The following HPN variants were observed in gnomAD, a reference collection of about 807,000 sequenced individuals.
HPN encodes the protein serine protease hepsin.
HPN carries 13 observed loss-of-function variants against 55.9 expected under a neutral mutation model. That is an observed-to-expected ratio of 0.23 (90% confidence interval 0.15 to 0.37). HPN has a LOEUF of 0.37. Ranked by LOEUF, HPN falls within the 10% of genes least tolerant of loss-of-function variation. The pLI, the probability that HPN is intolerant of heterozygous loss-of-function variation, is 1.00. For synonymous variants in HPN, 225 were observed against 240.3 expected (o/e 0.94, Z 0.59); for missense variants, 451 against 575.8 (o/e 0.78, Z 2.22).
intron 2 of HPN, 51 bp from the exon 3 acceptor site, chr19:35,049,239 G>A (rs2064377468): frequency 2.2e-6 from 3 of 1,374,558 alleles, no homozygotes; most frequent in Non-Finnish European, 2.9e-6. Flanking sequence ...CCCAGACCCT[G>A]CCGCAATGAG....
intron 2 of HPN, among the ~76,000 whole-genome samples, chr19:35,046,954 G>A (rs1431916570): frequency 1.3e-5 from 2 of 151,938 alleles, no homozygotes; most frequent in Non-Finnish European, 2.9e-5. Context: ...TCAGCCTCCC[G>A]AGTAGCTGGG....
At chr19:35,064,243 ACT>A (rs1172838262) in intron 9 of HPN, among the ~76,000 whole-genome samples, 1 of 151,664 alleles carries the variant, frequency 6.6e-6, no homozygotes, top group Non-Finnish European at 1.5e-5. Flanking sequence ...CAGGGTTACC[ACT>A]CTCTCTGTAG....
Position 35,041,848 on chromosome 19 carries a change from C to G in HPN, c.-79C>G, listed in dbSNP as rs921773480. The G allele has an allele frequency of 1.5e-6, 2 of 1,342,896 alleles. No individual in the cohort carries two copies. The highest frequency in any genetic ancestry group is 1.5e-5 in the African/African-American group (1 of 67,262). 83.2% of individuals were successfully genotyped at this position (1,342,896 alleles called of 1,614,324 possible). On this transcript the variant is annotated 5_prime_UTR_variant, in exon 1 of 13. Transcript: ENST00000672452. ...CCGACCCCGGCACTACCTCGAGGCT[C>G]CGCCCCCACCTGCTGGACCCCAGGG...
At chr19:35,050,914 C>CTTTTT (rs5827917) in intron 4 of HPN, among the ~76,000 whole-genome samples, 506 of 90,436 alleles carry the variant, frequency 5.6e-3, no homozygotes, top group African/African-American at 6.8e-3. Flanking sequence ...TTCTTTCTTT[C>CTTTTT]TTTTTTTTTT....
At chr19:35,066,171 G>C (rs2064607022) in intron 12 of HPN, 78 bp from the exon 13 acceptor site, 1 of 1,613,586 alleles carries the variant, frequency 6.2e-7, no homozygotes, top group Non-Finnish European at 8.5e-7. Flanking sequence ...GACTTTGAAG[G>C]GTTCCTGGGG....
At chr19:35,047,579 C>A (rs756873448) in intron 2 of HPN, among the ~76,000 whole-genome samples, 2 of 152,182 alleles carry the variant, frequency 1.3e-5, no homozygotes, top group Non-Finnish European at 1.5e-5. Context: ...AGAACGTGAA[C>A]CCCTGAGAGT....
At chr19:35,065,720 A>T (rs368612247) in intron 11 of HPN, 39 bp downstream of exon 11, 143 of 1,611,554 alleles carry the variant, frequency 8.9e-5, no homozygotes, top group Non-Finnish European at 1.2e-4. Flanking sequence ...GGTCGCTGCC[A>T]CCCCAGGGAT....
At position 35,041,747 on chromosome 19, in the gene HPN, C is replaced by T. The variant is rs1455005900; in HGVS notation, c.-180C>T. 3.9e-6 allele frequency: 5 copies of T among 1,272,814 alleles called. No individual in the cohort carries two copies. The African/African-American group carries it at 7.9e-5, about 20-fold the overall frequency. The allele number at this position is 1,272,814 out of a possible 1,614,324, so 78.8% of individuals were successfully genotyped here. A position where few individuals can be genotyped will look rare whatever the true frequency, so the allele number is the denominator to read the frequency against. ...GTGAGGCAGCCTGGCCTAGCAGGCCCCACGCCACCGCCTCTGCCTCCAGGC... is the reference window on the plus strand; with the variant it reads ...GTGAGGCAGCCTGGCCTAGCAGGCCTCACGCCACCGCCTCTGCCTCCAGGC... On this transcript the variant is annotated 5_prime_UTR_variant, in exon 1 of 13. Transcript: ENST00000672452.
intron 2 of HPN, among the ~76,000 whole-genome samples, chr19:35,044,517 C>A (rs1354250895): frequency 6.6e-6 from 1 of 152,188 alleles, no homozygotes; most frequent in East Asian, 1.9e-4. Flanking sequence ...CAATTCCTTG[C>A]AGTACCAGGT....
In HPN at chr19:35,066,453, C is replaced by T. The variant is rs753269521; in HGVS notation, c.*166C>T. The T allele has an allele frequency of 5.9e-6, 5 of 845,584 alleles. No homozygotes were observed. Among genetic ancestry groups the T allele is most frequent in the East Asian group, 5.4e-5 (2 of 37,286 alleles). The allele number at this position is 845,584 out of a possible 1,614,324, so 52.4% of individuals were successfully genotyped here. On this transcript the variant is annotated 3_prime_UTR_variant, in exon 13 of 13. Coordinates refer to ENST00000672452, the MANE Select transcript of HPN (RefSeq NM_001384133.1). ...CCACAGTGGCGGGCCCACTCAGCCCCGAGACCACCCAACCTCACCCTCCTG... is the reference window on the plus strand; with the variant it reads ...CCACAGTGGCGGGCCCACTCAGCCCTGAGACCACCCAACCTCACCCTCCTG...
rs5827918 is a variant in HPN, at chr19:35,052,534, C to CAAAAA, written c.160+3035_160+3039dup. 3.2e-4 allele frequency among the ~76,000 whole-genome samples: 27 copies of CAAAAA among 84,532 alleles called. 1 individual carries two copies. The highest frequency in any genetic ancestry group is 4.4e-4 in the African/African-American group (10 of 22,772). The allele number at this position is 84,532 out of a possible 152,430, so 55.5% of individuals were successfully genotyped here. On this transcript the variant is annotated intron_variant, in intron 4 of 12. Coordinates refer to ENST00000672452, the MANE Select transcript of HPN (RefSeq NM_001384133.1). ...TGGGTGACAGAGCAAGAGTCTGTCT[C>CAAAAA]AAAAAAAAAAAAAAAAAAAAAGGCT...
chr19:35,044,410 G>A (rs1805359383), intron 2 of HPN, among the ~76,000 whole-genome samples: 2 of 152,134 alleles, frequency 1.3e-5, no homozygotes, highest in South Asian at 4.1e-4. Context: ...GCCAATTGTG[G>A]TATTTCTGGA....
chr19:35,055,125 T>C (rs1230149019), intron 4 of HPN, among the ~76,000 whole-genome samples: 1 of 152,140 alleles, frequency 6.6e-6, no homozygotes, highest in Non-Finnish European at 1.5e-5. Context: ...GCCTGGACAA[T>C]ATAGCAATAC....
chr19:35,049,272 G>T lies in HPN; in HGVS notation c.17-18G>T. Reference sequence around the variant, plus strand: ...GAGGACAGGCCTGGCTGTGGCCCCAGCATGGTGTCTGTTGCAGGTGGCCGG... The same window carrying T: ...GAGGACAGGCCTGGCTGTGGCCCCATCATGGTGTCTGTTGCAGGTGGCCGG... On this transcript the variant is annotated intron_variant, in intron 2 of 12. Transcript: ENST00000672452. 6.6e-7 allele frequency: 1 copy of T among 1,515,246 alleles called. No homozygotes were observed. The highest frequency in any genetic ancestry group is 8.9e-7 in the Non-Finnish European group (1 of 1,128,618). The allele number at this position is 1,515,246 out of a possible 1,614,324, so 93.9% of individuals were successfully genotyped here.
In HPN at chr19:35,066,501, G is replaced by T. The variant is rs377217529; in HGVS notation, c.*214G>T. 5 of 606,134 alleles carry T rather than the reference G, an allele frequency of 8.2e-6. No homozygotes were observed. The highest frequency in any genetic ancestry group is 7.4e-5 in the African/African-American group (4 of 54,046). 37.5% of individuals were successfully genotyped at this position (606,134 alleles called of 1,614,324 possible). A position where few individuals can be genotyped will look rare whatever the true frequency, so the allele number is the denominator to read the frequency against. On this transcript the variant is annotated 3_prime_UTR_variant, in exon 13 of 13. Transcript: ENST00000672452. ...CTGACCCCCATGTAAATATTGTTCT[G>T]CTGTCTGGGACTCCTGTCTAGGTGC...
In HPN at chr19:35,049,589, G is replaced by GT. The variant is rs1568357155; in HGVS notation, c.160+74dup. On this transcript the variant is annotated intron_variant, in intron 4 of 12. Coordinates refer to ENST00000672452, the MANE Select transcript of HPN (RefSeq NM_001384133.1). ...TGTATCTGGCGGGAGCTCAACAAGC[G>GT]TATTTGTTGAATAAATGCACAAATG... 5.3e-6 allele frequency: 7 copies of GT among 1,329,190 alleles called. No individual in the cohort carries two copies. The East Asian group carries it at 1.5e-4, about 28-fold the overall frequency. 82.3% of individuals were successfully genotyped at this position (1,329,190 alleles called of 1,614,324 possible).
chr19:35,065,531 A>G lies in HPN; in HGVS notation c.908-8A>G, dbSNP rs376531394. ...CAGCTCTGGCCAGCCTTGCCTGCAC[A>G]CCCCCAGGCCAACAGGCCGGGGTAC... On this transcript the variant is annotated splice_polypyrimidine_tract_variant and splice_region_variant and intron_variant, in intron 10 of 12. Transcript: ENST00000672452. The G allele has an allele frequency of 8.7e-6, 14 of 1,613,306 alleles. No individual in the cohort carries two copies. The African/African-American group carries it at 1.7e-4, about 20-fold the overall frequency.
chr19:35,051,148 G>A lies in HPN; in HGVS notation c.160+1632G>A, dbSNP rs138166714. The stretch of plus-strand genomic sequence containing the variant: ...TTTTGAGCCAGAGTCTCGCTGTGTC[G>A]CCCAGGCAGGAGTGCTGTGGCGCGA... On this transcript the variant is annotated intron_variant, in intron 4 of 12. Coordinates refer to ENST00000672452, the MANE Select transcript of HPN (RefSeq NM_001384133.1). Among the ~76,000 whole-genome samples, 720 of 151,906 alleles carry A rather than the reference G, an allele frequency of 4.7e-3. 29 individuals carry two copies. The South Asian group carries it at 0.11, about 23-fold the overall frequency.
At position 35,059,745 on chromosome 19, in the gene HPN, C is replaced by G; in HGVS notation, c.233C>G (p.Ser78Cys). The change falls in exon 5 of 13, where the codon TCC (serine) becomes TGC (cysteine). Residue 78 changes from serine to cysteine, a missense_variant. Physicochemically the swap from Ser to Cys is moderately radical, Grantham distance 112 (BLOSUM62 -1). This residue lies in a region of HPN where 378 missense variants were observed against 445.5 expected (regional missense o/e 0.85). Coordinates refer to ENST00000672452, the MANE Select transcript of HPN (RefSeq NM_001384133.1). ...GAAGGGACGTGGCGGCTGCTGTGCT[C>G]CTCGCGCTCCAACGCCAGGGTAGCC... ...KTEGTWRLLC[S>C]SRSNARVAGL... is the part of the protein sequence containing the mutation. 6.3e-7 allele frequency: 1 copy of G among 1,592,338 alleles called. No homozygotes were observed. The highest frequency in any genetic ancestry group is 8.5e-7 in the Non-Finnish European group (1 of 1,170,260).
Sources: gnomAD v4.1 joint callset for allele counts (sites outside exome capture counted in the v4.1 genomes callset) on GRCh38, gnomAD v4.1.1 for gene constraint, gnomAD v4.1.1 regional missense constraint, MANE v1.5 for transcripts, NCBI Gene and HGNC (gene_info 2026-07-23, HGNC 2026-07-21) for gene names.